Variants in DGKG observed in about 807,000 individuals in gnomAD.
DGKG encodes DAG kinase gamma.
Under a neutral mutation model 105.3 loss-of-function variants are expected in DGKG, and 78 were observed. That is an observed-to-expected ratio of 0.74 (90% CI 0.62 to 0.89). DGKG has a LOEUF of 0.89. DGKG is among the 40% of genes least tolerant of loss of function. The pLI is 0.00. For synonymous variants in DGKG, 346 were observed against 367.1 expected, an observed-to-expected ratio of 0.94 and a Z score of 0.66; for missense variants, 958 against 1,020.1, an observed-to-expected ratio of 0.94 and a Z score of 0.83.
intron 19 of DGKG, among the ~76,000 whole-genome samples, chr3:186,243,510 T>C (rs757482848): frequency 3.3e-5 from 5 of 152,210 alleles, no homozygotes; most frequent in Non-Finnish European, 7.3e-5. Context: ...ATCTGAATGA[T>C]GATAGCTCCA....
chr3:186,230,910 A>G (rs1022540628), intron 20 of DGKG, among the ~76,000 whole-genome samples: 1 of 152,332 alleles, frequency 6.6e-6, no homozygotes, highest in South Asian at 2.1e-4. Flanking sequence ...TGTGTTTATC[A>G]TCCTGGATGA....
intron 20 of DGKG, among the ~76,000 whole-genome samples, chr3:186,225,395 G>A (rs1719809864): frequency 6.6e-6 from 1 of 152,012 alleles, no homozygotes; most frequent in South Asian, 2.1e-4. Context: ...TTGTGACCAA[G>A]GTCAAGCAAG....
intron 21 of DGKG, among the ~76,000 whole-genome samples, chr3:186,189,320 G>A (rs1578641382): frequency 6.6e-6 from 1 of 152,288 alleles, no homozygotes; most frequent in Non-Finnish European, 1.5e-5. Flanking sequence ...CAGAAGGCTT[G>A]AATTTTCATC....
chr3:186,282,582 G>A (rs939734528), intron 7 of DGKG, among the ~76,000 whole-genome samples: 1 of 152,014 alleles, frequency 6.6e-6, no homozygotes, highest in Non-Finnish European at 1.5e-5. Flanking sequence ...GCGCCATCTC[G>A]GCTCATGGCA....
chr3:186,155,999 T>G (rs993016987), intron 24 of DGKG, among the ~76,000 whole-genome samples: 1 of 151,764 alleles, frequency 6.6e-6, no homozygotes, highest in Non-Finnish European at 1.5e-5. Flanking sequence ...TTGTTAGTAT[T>G]TTTTTTTTCC....
At chr3:186,313,796 C>T (rs1724674398) in intron 2 of DGKG, among the ~76,000 whole-genome samples, 2 of 152,248 alleles carry the variant, frequency 1.3e-5, no homozygotes, top group South Asian at 4.1e-4. Flanking sequence ...AAAAAAAGGT[C>T]TGTGGTGCTG....
At chr3:186,319,087 T>A (rs573895594) in intron 2 of DGKG, among the ~76,000 whole-genome samples, 1 of 152,204 alleles carries the variant, frequency 6.6e-6, no homozygotes, top group Non-Finnish European at 1.5e-5. Flanking sequence ...GCTAGCTGAA[T>A]TAAATTGAAT....
intron 20 of DGKG, among the ~76,000 whole-genome samples, chr3:186,216,966 T>C (rs905436793): frequency 6.6e-6 from 1 of 152,196 alleles, no homozygotes; most frequent in African/African-American, 2.4e-5. Flanking sequence ...CTTCACTTCT[T>C]CTACAAAATG....
At chr3:186,287,122 T>A (rs1325864814) in intron 6 of DGKG, among the ~76,000 whole-genome samples, 1 of 152,052 alleles carries the variant, frequency 6.6e-6, no homozygotes, top group Non-Finnish European at 1.5e-5. Context: ...TAAAGAGACA[T>A]AATAACCAGT....
intron 19 of DGKG, among the ~76,000 whole-genome samples, chr3:186,250,995 C>G (rs1176390827): frequency 1.3e-5 from 2 of 152,112 alleles, no homozygotes; most frequent in Middle Eastern, 6.3e-3. Context: ...GCAGTGCCCA[C>G]TCCAATCCTC....
At chr3:186,242,011 C>T (rs1159802858) in intron 20 of DGKG, among the ~76,000 whole-genome samples, 1 of 152,108 alleles carries the variant, frequency 6.6e-6, no homozygotes, top group East Asian at 1.9e-4. Context: ...CCTCTGCTGT[C>T]GGGGGAGGCA....
chr3:186,248,439 C>T (rs1721051412), intron 19 of DGKG, among the ~76,000 whole-genome samples: 1 of 152,234 alleles, frequency 6.6e-6, no homozygotes, highest in Admixed American at 6.5e-5. Context: ...GCTTCCATGC[C>T]AGCGAAGAGC....
Position 186,243,895 on chromosome 3 carries a change from G to GTTTTTTTTTTTTTTTTTTTTTTTTTTT in DGKG, c.1762-1328_1762-1327insAAAAAAAAAAAAAAAAAAAAAAAAAAA, listed in dbSNP as rs34134152. On this transcript the variant is annotated intron_variant, in intron 19 of 24. Transcript: ENST00000265022. Reference sequence around the variant, plus strand: ...CTATTTCTTATATGAAAATTTCTGTGTTTTTTTTTTTTTTTTTTGAGATGG... The same window carrying GTTTTTTTTTTTTTTTTTTTTTTTTTTT: ...CTATTTCTTATATGAAAATTTCTGTGTTTTTTTTTTTTTTTTTTTTTTTTTTTTTTTTTTTTTTTTTTTTTGAGATGG... Among the ~76,000 whole-genome samples, 40 of 116,316 alleles carry GTTTTTTTTTTTTTTTTTTTTTTTTTTT rather than the reference G, an allele frequency of 3.4e-4. 6 individuals are homozygous for GTTTTTTTTTTTTTTTTTTTTTTTTTTT. Among genetic ancestry groups the GTTTTTTTTTTTTTTTTTTTTTTTTTTT allele is most frequent in the African/African-American group, 1.4e-3 (39 of 27,556 alleles). 76.3% of individuals were successfully genotyped at this position (116,316 alleles called of 152,430 possible).
intron 5 of DGKG, among the ~76,000 whole-genome samples, 166 bp from the exon 6 acceptor site, chr3:186,289,046 A>G (rs1723197179): frequency 6.6e-6 from 1 of 152,102 alleles, no homozygotes; most frequent in Non-Finnish European, 1.5e-5. Flanking sequence ...TAGAAATCCA[A>G]CTTGTGGAGT....
intron 3 of DGKG, among the ~76,000 whole-genome samples, chr3:186,301,359 G>A (rs918420519): frequency 6.6e-6 from 1 of 152,196 alleles, no homozygotes; most frequent in African/African-American, 2.4e-5. Context: ...CGGGTGCGGT[G>A]GCTCACACCT....
chr3:186,185,641 G>A (rs534674888), intron 22 of DGKG, among the ~76,000 whole-genome samples: 11 of 152,218 alleles, frequency 7.2e-5, no homozygotes, highest in African/African-American at 2.6e-4. Flanking sequence ...GTTGAGATAG[G>A]AGCACCAGGG....
intron 20 of DGKG, among the ~76,000 whole-genome samples, chr3:186,229,480 A>C (rs1021535427): frequency 6.6e-6 from 1 of 152,030 alleles, no homozygotes; most frequent in African/African-American, 2.4e-5. Context: ...CCTGACCTCA[A>C]GTGATCCGCC....
intron 22 of DGKG, among the ~76,000 whole-genome samples, chr3:186,169,580 C>T (rs536758752): frequency 6.6e-6 from 1 of 152,268 alleles, no homozygotes; most frequent in South Asian, 2.1e-4. Flanking sequence ...AGATGCCTGC[C>T]GCAGACATAC....
intron 20 of DGKG, among the ~76,000 whole-genome samples, chr3:186,241,412 G>A (rs1181325025): frequency 6.6e-6 from 1 of 152,052 alleles, no homozygotes; most frequent in African/African-American, 2.4e-5. Flanking sequence ...AGTTAGCCAG[G>A]CATGATGGTG....
Sources: allele counts gnomAD v4.1 joint callset (sites outside exome capture counted in the v4.1 genomes callset), GRCh38; gene constraint gnomAD v4.1.1; transcripts MANE v1.5; gene names NCBI Gene and HGNC (gene_info 2026-07-23, HGNC 2026-07-21).